Variants in FSD2 observed in about 807,000 individuals in gnomAD.
The protein encoded by FSD2 is fibronectin type III and SPRY domain containing 2.
FSD2 carries 71 observed loss-of-function variants against 80.4 expected under a neutral mutation model. The observed-to-expected ratio is 0.88, with a 90% CI of 0.73 to 1.08. The LOEUF is 1.08. Among genes scored for constraint, FSD2 ranks in the 50% least tolerant of loss-of-function variants. The pLI is 0.00. For synonymous variants in FSD2, 361 were observed against 329.5 expected, an observed-to-expected ratio of 1.10 and a Z score of -1.03; for missense variants, 923 against 913.8, an observed-to-expected ratio of 1.01 and a Z score of -0.13.
rs141886493 is a variant in FSD2 at position 82,780,448 on chromosome 15, C to T, written c.967-181G>A. Among the ~76,000 whole-genome samples, 1,092 of 151,684 alleles carry T rather than the reference C, an allele frequency of 7.2e-3. 13 individuals are homozygous for T. Among genetic ancestry groups the T allele is most frequent in the African/African-American group, 0.025 (1,018 of 41,374 alleles). On this transcript the variant is annotated intron_variant, in intron 4 of 12. Transcript: ENST00000334574. ...CTCCCAGGTTCAAGGGATTCTCCTG[C>T]CTCAGCCTCCCAAGTAGCTGAGATT... is the stretch of plus-strand genomic sequence containing the variant.
chr15:82,782,327 G>A (rs563322217), intron 4 of FSD2, among the ~76,000 whole-genome samples: 1 of 151,736 alleles, frequency 6.6e-6, no homozygotes, highest in Non-Finnish European at 1.5e-5. Context: ...GTGAACCCAG[G>A]AGGCAGAGCT....
rs751057839 is a variant in FSD2, at chr15:82,782,951, A to T, written c.810T>A (p.Tyr270Ter). ...CCCCTAGAGCTTGTATTTTTTCCTC[A>T]TATTTTTGAGCAAGTGTTTCCAAGA... The part of the protein sequence containing the change: ...NEILETLAQK[Y>*]EEKIQALGEK... Residue 270 changes from tyrosine (Y) to a stop codon, truncating the protein, a stop_gained, in exon 4 of 13, where the codon TAT becomes TAA. Transcript: ENST00000334574. LOFTEE classifies it high-confidence loss of function. 6.2e-7 allele frequency: 1 copy of T among 1,613,398 alleles called. No individual in the cohort carries two copies. The highest frequency in any genetic ancestry group is 1.1e-5 in the South Asian group (1 of 91,024).
At chr15:82,772,344 G>A (rs2049602592) in intron 6 of FSD2, 116 bp from the exon 7 acceptor site, 1 of 1,083,316 alleles carries the variant, frequency 9.2e-7, no homozygotes, top group Admixed American at 2.4e-5. Flanking sequence ...GGGAATGGAA[G>A]AGAAAGTCCA....
intron 1 of FSD2, among the ~76,000 whole-genome samples, chr15:82,803,476 C>G (rs1337071781): frequency 6.6e-6 from 1 of 152,158 alleles, no homozygotes; most frequent in Non-Finnish European, 1.5e-5. Flanking sequence ...CGGTAACCCT[C>G]TGTTCCTTCT....
chr15:82,765,314 C>T lies in FSD2; in HGVS notation c.1688-16G>A. 1.2e-6 allele frequency: 2 copies of T among 1,612,892 alleles called. No homozygotes were observed. The highest frequency in any genetic ancestry group is 1.7e-6 in the Non-Finnish European group (2 of 1,179,532). ...AAGTAGCTTCCTGTGGGAGGAGGAA[C>T]ACACAGAAGACCCGCAGCCAATCAC... On this transcript the variant is annotated splice_polypyrimidine_tract_variant and intron_variant, in intron 10 of 12. Coordinates refer to ENST00000334574, the MANE Select transcript of FSD2 (RefSeq NM_001007122.4).
chr15:82,791,220 G>A (rs1020859626), intron 1 of FSD2, among the ~76,000 whole-genome samples: 109 of 151,588 alleles, frequency 7.2e-4, no homozygotes, highest in Non-Finnish European at 2.8e-4. Flanking sequence ...GGATGGTCTC[G>A]ATCTCCTGAC....
chr15:82,797,031 A>AC (rs1365237448), intron 1 of FSD2, among the ~76,000 whole-genome samples: 13 of 125,654 alleles, frequency 1.0e-4, no homozygotes, highest in African/African-American at 1.4e-4. Flanking sequence ...AAAAAAAAAA[A>AC]AAAAAAAAAA....
chr15:82,798,201 C>G (rs1004851453), intron 1 of FSD2, among the ~76,000 whole-genome samples: 15 of 151,938 alleles, frequency 9.9e-5, no homozygotes, highest in Non-Finnish European at 1.8e-4. Context: ...CAAAACTAGC[C>G]CAGCGTGGTG....
intron 1 of FSD2, among the ~76,000 whole-genome samples, chr15:82,798,706 G>A (rs971299051): frequency 2.0e-5 from 3 of 151,988 alleles, no homozygotes; most frequent in Admixed American, 6.6e-5. Context: ...TTCCACAGTT[G>A]TACACAGAAA....
At position 82,783,018 on chromosome 15, in the gene FSD2, A is replaced by G; in HGVS notation, c.743T>C (p.Phe248Ser). 1.2e-6 allele frequency: 2 copies of G among 1,609,602 alleles called. No homozygotes were observed. Among genetic ancestry groups the G allele is most frequent in the Middle Eastern group, 1.7e-4 (1 of 6,058 alleles). The change falls in exon 4 of 13, where the codon TTT becomes TCT. Residue 248 changes from phenylalanine (F) to serine (S), a missense_variant. By Grantham distance (155) the Phe-to-Ser change is radical. Transcript: ENST00000334574. ...CTCAAAGTTTTGTTCTTGTTTTCCA[A>G]AATTCTCCTGCAAGACAGTTGATCT... ...EEVFITVEENFGKQEQNFESH... is the reference protein window; with the variant it reads ...EEVFITVEENSGKQEQNFESH...
intron 1 of FSD2, among the ~76,000 whole-genome samples, chr15:82,802,983 A>T (rs1374231367): frequency 6.6e-6 from 1 of 152,084 alleles, no homozygotes; most frequent in Non-Finnish European, 1.5e-5. Flanking sequence ...TGAGGTGTGA[A>T]TTCAAGAGAA....
At chr15:82,787,577 G>A in intron 1 of FSD2, 109 bp from the exon 2 acceptor site, 1 of 505,896 alleles carries the variant, frequency 2.0e-6, no homozygotes, top group East Asian at 3.2e-5. Flanking sequence ...TATCTGTGTA[G>A]TTCAGTCGTG....
chr15:82,765,093 T>C, intron 11 of FSD2, 73 bp downstream of exon 11: 1 of 1,482,576 alleles, frequency 6.7e-7, no homozygotes, highest in Non-Finnish European at 9.0e-7. Context: ...CGTGCCATAT[T>C]CGGATTTGAC....
chr15:82,763,756 T>C (rs767887623), intron 11 of FSD2, among the ~76,000 whole-genome samples: 3 of 152,148 alleles, frequency 2.0e-5, no homozygotes, highest in Non-Finnish European at 4.4e-5. Context: ...TGAAATGTAA[T>C]CTGATCTTGT....
intron 4 of FSD2, among the ~76,000 whole-genome samples, chr15:82,782,104 T>TAATAATAATAATAAAA (rs749972634): frequency 1.1e-3 from 127 of 118,932 alleles, no homozygotes; most frequent in African/African-American, 3.8e-3. Context: ...ATAATAATAA[T>TAATAATAATAATAAAA]AAAACTCTTG....
chr15:82,787,207 T>C lies in FSD2; in HGVS notation c.184A>G (p.Lys62Glu). The C allele has an allele frequency of 1.2e-6, 2 of 1,613,992 alleles. No homozygotes were observed. The highest frequency in any genetic ancestry group is 1.7e-6 in the Non-Finnish European group (2 of 1,179,898). Residue 62 changes from lysine (K) to glutamate (E), a missense_variant, in exon 2 of 13, where the codon AAG (lysine) becomes GAG (glutamate). Lys to Glu is a moderately conservative substitution (Grantham distance 56). Coordinates refer to ENST00000334574, the MANE Select transcript of FSD2 (RefSeq NM_001007122.4). The stretch of plus-strand genomic sequence containing the variant: ...TCCTCTTGAAGGTCTCTTTGAGCCT[T>C]ACCATCCCCTGCTCCTCTTGACTCA... ...ANESRGAGDG[K>E]AQRDLQEEVD...
rs372699535 is a variant in FSD2 at position 82,769,856 on chromosome 15, A to G, written c.1296T>C (p.Tyr432=). ...AEFTVTVKET[Y]CSVTNLVPNT... The stretch of plus-strand genomic sequence containing the variant: ...TTGGCACAAGGTTTGTCACTGAGCA[A>G]TATGTTTCTTTGACAGTCACTGTAA... Residue 432 remains tyrosine (Y), a synonymous_variant, in exon 8 of 13, where the codon TAT becomes TAC. Coordinates refer to ENST00000334574, the MANE Select transcript of FSD2 (RefSeq NM_001007122.4). 6.4e-5 allele frequency: 103 copies of G among 1,613,880 alleles called. No homozygotes were observed. Among genetic ancestry groups the G allele is most frequent in the East Asian group, 2.2e-4 (10 of 44,894 alleles).
intron 6 of FSD2, among the ~76,000 whole-genome samples, chr15:82,774,940 T>C (rs999439978): frequency 6.6e-6 from 1 of 150,884 alleles, no homozygotes; most frequent in African/African-American, 2.4e-5. Context: ...CAGGATGGTC[T>C]CAATCTCCTG....
At chr15:82,767,546 A>G (rs1327451616) in intron 9 of FSD2, among the ~76,000 whole-genome samples, 3 of 152,216 alleles carry the variant, frequency 2.0e-5, no homozygotes, top group Non-Finnish European at 2.9e-5. Flanking sequence ...TACTGGAAGA[A>G]TATGCACCAG....
Sources: allele counts gnomAD v4.1 joint callset (sites outside exome capture counted in the v4.1 genomes callset), GRCh38; gene constraint gnomAD v4.1.1; transcripts MANE v1.5; gene names NCBI Gene and HGNC (gene_info 2026-07-23, HGNC 2026-07-21).